The following PDZRN3 variants were observed in gnomAD, a reference collection of about 807,000 sequenced individuals.
PDZRN3 encodes E3 ubiquitin-protein ligase PDZRN3.
A neutral mutation model predicts 85.7 loss-of-function variants in PDZRN3; 38 were observed. That is an observed-to-expected ratio of 0.44 (90% CI 0.34 to 0.58). PDZRN3 has a LOEUF of 0.58. Among genes scored for constraint, PDZRN3 ranks in the 20% least tolerant of loss-of-function variants. PDZRN3 has a pLI of 0.01. For synonymous variants in PDZRN3, 759 were observed against 638.0 expected (o/e 1.19, Z -2.86); for missense variants, 1,629 against 1,506.4 (o/e 1.08, Z -1.35).
intron 3 of PDZRN3, among the ~76,000 whole-genome samples, chr3:73,483,620 A>G (rs531294357): frequency 6.6e-6 from 1 of 152,350 alleles, no homozygotes; most frequent in East Asian, 1.9e-4. Context: ...TTAATTGCAT[A>G]TGCTACAAAG....
At chr3:73,556,349 CAAT>C (rs1388150731) in intron 3 of PDZRN3, among the ~76,000 whole-genome samples, 1 of 151,650 alleles carries the variant, frequency 6.6e-6, no homozygotes, top group Non-Finnish European at 1.5e-5. Context: ...AATAAATATA[CAAT>C]AATACAAATA....
intron 3 of PDZRN3, among the ~76,000 whole-genome samples, chr3:73,466,322 GA>G (rs62777060): frequency 0.021 from 2,765 of 129,092 alleles, 68 homozygotes; most frequent in African/African-American, 0.074. Flanking sequence ...AAGAGTGATA[GA>G]AAAAAAAAAA....
In PDZRN3 at chr3:73,384,627, G is replaced by C. The variant is rs746378403; in HGVS notation, c.1939C>G (p.Arg647Gly). The C allele has an allele frequency of 1.2e-6, 2 of 1,613,850 alleles. No individual in the cohort carries two copies. Among genetic ancestry groups the C allele is most frequent in the Non-Finnish European group, 1.7e-6 (2 of 1,180,032 alleles). ...GIPVDECERF[R>G]ELLELKCQVK... ...TGGCACTTGAGCTCCAGGAGCTCGCGGAAGCGCTCGCACTCGTCCACCGGG... is the reference window on the plus strand; with the variant it reads ...TGGCACTTGAGCTCCAGGAGCTCGCCGAAGCGCTCGCACTCGTCCACCGGG... Residue 647 changes from arginine to glycine, a missense_variant, in exon 10 of 10, where the codon CGC (arginine) becomes GGC (glycine). By Grantham distance (125) the Arg-to-Gly change is moderately radical (BLOSUM62 -2). Transcript: ENST00000263666.
At chr3:73,416,126 G>A (rs1872957) in intron 3 of PDZRN3, among the ~76,000 whole-genome samples, 99,804 of 151,724 alleles carry the variant, frequency 0.66, 33,063 homozygotes, top group East Asian at 0.84. Context: ...GGAGTTGGCT[G>A]CTGTGTGAAG....
chr3:73,388,182 G>C (rs980198380), intron 7 of PDZRN3, 113 bp from the exon 8 acceptor site: 28 of 605,944 alleles, frequency 4.6e-5, no homozygotes, highest in Non-Finnish European at 8.1e-5. Flanking sequence ...CTCACAGTTA[G>C]AACATACAAC....
chr3:73,504,974 T>C (rs1442315039), intron 3 of PDZRN3, among the ~76,000 whole-genome samples: 3 of 152,208 alleles, frequency 2.0e-5, no homozygotes, highest in African/African-American at 7.2e-5. Flanking sequence ...AATGTGCTTG[T>C]GATAGGAAAA....
At chr3:73,385,837 T>C (rs765438165) in intron 8 of PDZRN3, 52 bp from the exon 9 acceptor site, 3 of 1,040,892 alleles carry the variant, frequency 2.9e-6, no homozygotes, top group South Asian at 1.3e-5. Flanking sequence ...TTCATGTTCA[T>C]TTATGTTTTT....
intron 3 of PDZRN3, among the ~76,000 whole-genome samples, chr3:73,426,158 GAT>G (rs563081122): frequency 6.6e-6 from 1 of 151,706 alleles, no homozygotes; most frequent in Non-Finnish European, 1.5e-5. Context: ...AATATGGTGA[GAT>G]ATATATATAC....
At chr3:73,523,692 T>C (rs1474872794) in intron 3 of PDZRN3, among the ~76,000 whole-genome samples, 2 of 152,170 alleles carry the variant, frequency 1.3e-5, no homozygotes, top group Non-Finnish European at 2.9e-5. Flanking sequence ...AAGAAAAATA[T>C]GGTGGCACAA....
At chr3:73,385,057 T>G in intron 9 of PDZRN3, 127 bp from the exon 10 acceptor site, 1 of 1,088,602 alleles carries the variant, frequency 9.2e-7, no homozygotes, top group Non-Finnish European at 1.3e-6. Context: ...GGACAGCATC[T>G]GACAGTAGGA....
intron 3 of PDZRN3, among the ~76,000 whole-genome samples, chr3:73,479,400 A>AT (rs1559700648): frequency 6.6e-6 from 1 of 151,954 alleles, no homozygotes; most frequent in South Asian, 2.1e-4. Context: ...AAAAAAAAAA[A>AT]AAGTGACTTC....
intron 3 of PDZRN3, among the ~76,000 whole-genome samples, chr3:73,596,149 G>A (rs1282673496): frequency 2.0e-5 from 3 of 152,122 alleles, no homozygotes; most frequent in Admixed American, 1.3e-4. Context: ...AAGCCTGAAA[G>A]AGCTCCATTG....
chr3:73,561,795 C>G (rs148165854), intron 3 of PDZRN3, among the ~76,000 whole-genome samples: 1 of 152,066 alleles, frequency 6.6e-6, no homozygotes, highest in African/African-American at 2.4e-5. Flanking sequence ...TGAAATCCCA[C>G]GTCTCAATTC....
intron 3 of PDZRN3, among the ~76,000 whole-genome samples, chr3:73,578,402 C>T (rs1167571246): frequency 6.6e-6 from 1 of 152,124 alleles, no homozygotes; most frequent in African/African-American, 2.4e-5. Context: ...GATCTCCTGA[C>T]CTCGTGATCC....
chr3:73,463,417 A>G (rs1368557350), intron 3 of PDZRN3, among the ~76,000 whole-genome samples: 4 of 152,244 alleles, frequency 2.6e-5, no homozygotes, highest in Non-Finnish European at 4.4e-5. Context: ...TATTACAGAC[A>G]TTCTCCATTA....
Position 73,609,967 on chromosome 3 carries a change from T to TA in PDZRN3, c.724-1284dup, listed in dbSNP as rs1319740746. ...CCAGGAGAACTGTGCCCAGTAGAGC[T>TA]AAAAAAATATTACGAAAGATCAATG... On this transcript the variant is annotated intron_variant, in intron 1 of 9. Transcript: ENST00000263666. Among the ~76,000 whole-genome samples the TA allele has an allele frequency of 2.6e-5, 4 of 152,304 alleles. No homozygotes were observed. The East Asian group carries it at 5.8e-4, about 22-fold the overall frequency.
At chr3:73,547,827 C>T (rs1701461102) in intron 3 of PDZRN3, among the ~76,000 whole-genome samples, 1 of 152,192 alleles carries the variant, frequency 6.6e-6, no homozygotes, top group Non-Finnish European at 1.5e-5. Flanking sequence ...CTGAAGCTTG[C>T]TTTTATTTAC....
chr3:73,557,036 T>A (rs1459034047), intron 3 of PDZRN3: 1 of 152,000 alleles, frequency 6.6e-6, no homozygotes, highest in East Asian at 1.9e-4. Flanking sequence ...GGAGCAAGGC[T>A]GGTGCTCATA....
rs1308804758 is a variant in PDZRN3, at chr3:73,458,916, C to T, written c.919-54521G>A. On this transcript the variant is annotated intron_variant, in intron 3 of 9. Coordinates refer to ENST00000263666, the MANE Select transcript of PDZRN3 (RefSeq NM_015009.3). ...CTGAGACAGGAGAATCGATTCAACC[C>T]GGGAGGTGGAGGTTGCAGTGAGCCA... is the stretch of plus-strand genomic sequence containing the variant. Among the ~76,000 whole-genome samples the T allele has an allele frequency of 3.3e-5, 5 of 149,808 alleles. No homozygotes were observed. The East Asian group carries it at 5.9e-4, about 18-fold the overall frequency.
Sources: gnomAD v4.1 joint callset for allele counts (sites outside exome capture counted in the v4.1 genomes callset) on GRCh38, gnomAD v4.1.1 for gene constraint, MANE v1.5 for transcripts, NCBI Gene and HGNC (gene_info 2026-07-23, HGNC 2026-07-21) for gene names.